Variants in PTPRN2 observed in about 807,000 individuals in gnomAD.
The protein encoded by PTPRN2 is receptor-type tyrosine-protein phosphatase N2.
In PTPRN2, 74 loss-of-function variants were observed where a neutral mutation model predicts 118.8. That is an observed-to-expected ratio of 0.62 (90% CI 0.52 to 0.76). The LOEUF (loss-of-function observed/expected upper bound fraction) is 0.76. Ranked by LOEUF, PTPRN2 falls within the 30% of genes least tolerant of loss-of-function variation. PTPRN2 has a pLI of 0.00. For missense variants in PTPRN2, 1,481 were observed against 1,394.4 expected, an observed-to-expected ratio of 1.06 and a Z score of -0.99; for synonymous variants, 641 against 608.0, an observed-to-expected ratio of 1.05 and a Z score of -0.80.
chr7:157,599,889 CCACCTCTCCACCTGCCCCT>C (rs1801563739), intron 16 of PTPRN2, among the ~76,000 whole-genome samples: 1 of 134,054 alleles, frequency 7.5e-6, no homozygotes, highest in African/African-American at 3.0e-5. Context: ...CTCCACCTGC[CCACCTCTCCACCTGCCCCT>C]CTCCACCTGC....
chr7:158,240,533 A>G (rs1460485289), intron 3 of PTPRN2, among the ~76,000 whole-genome samples: 1 of 152,118 alleles, frequency 6.6e-6, no homozygotes, highest in Non-Finnish European at 1.5e-5. Context: ...GGGTCAAGTG[A>G]TTCTCCTGCC....
chr7:158,302,305 C>G (rs1485200333), intron 3 of PTPRN2, among the ~76,000 whole-genome samples: 1 of 152,230 alleles, frequency 6.6e-6, no homozygotes, highest in African/African-American at 2.4e-5. Flanking sequence ...AAGTTACAGT[C>G]TCTTGCTCCC....
intron 3 of PTPRN2, among the ~76,000 whole-genome samples, chr7:158,280,581 C>T (rs1192318963): frequency 6.6e-6 from 1 of 152,118 alleles, no homozygotes; most frequent in African/African-American, 2.4e-5. Context: ...GTGGAGAGGG[C>T]AGATGGAGAG....
chr7:158,174,055 A>G (rs1585740045), intron 5 of PTPRN2, among the ~76,000 whole-genome samples: 1 of 152,232 alleles, frequency 6.6e-6, no homozygotes, highest in Non-Finnish European at 1.5e-5. Context: ...GAGATTAAAG[A>G]CAGGCATAGG....
chr7:157,976,076 T>C (rs1417072685), intron 11 of PTPRN2, among the ~76,000 whole-genome samples: 4 of 152,208 alleles, frequency 2.6e-5, no homozygotes, highest in Non-Finnish European at 4.4e-5. Flanking sequence ...CAAGTCCTTG[T>C]AGCACAAGGT....
At chr7:158,580,605 G>C (rs564564442) in intron 1 of PTPRN2, among the ~76,000 whole-genome samples, 22 of 152,246 alleles carry the variant, frequency 1.4e-4, no homozygotes, top group African/African-American at 5.1e-4. Context: ...CCCCCTGCCT[G>C]CTTGCCACTC....
At chr7:158,098,697 T>A (rs1220077693) in intron 10 of PTPRN2, among the ~76,000 whole-genome samples, 1 of 152,040 alleles carries the variant, frequency 6.6e-6, no homozygotes, top group Non-Finnish European at 1.5e-5. Flanking sequence ...TGGGGTTGCT[T>A]GGGCTCGGGG....
chr7:158,521,800 TGCTGGCTCGGG>T (rs1442112507), intron 1 of PTPRN2, among the ~76,000 whole-genome samples: 15 of 64,644 alleles, frequency 2.3e-4, no homozygotes, highest in Non-Finnish European at 3.8e-4. Flanking sequence ...ACTGTCCAGG[TGCTGGCTCGGG>T]AGGGAGGTCC....
At chr7:157,847,139 C>T (rs1243407031) in intron 12 of PTPRN2, among the ~76,000 whole-genome samples, 1 of 140,382 alleles carries the variant, frequency 7.1e-6, no homozygotes, top group African/African-American at 2.7e-5. Context: ...AGCCCTCTCT[C>T]ACTCCATCAT....
chr7:158,480,057 C>T (rs567635242), intron 2 of PTPRN2, among the ~76,000 whole-genome samples: 1 of 152,326 alleles, frequency 6.6e-6, no homozygotes, highest in East Asian at 1.9e-4. Flanking sequence ...GAATTCACTG[C>T]TTGATCAAAC....
rs571528527 is a variant in PTPRN2 at position 158,525,464 on chromosome 7, G to A, written c.113-35679C>T. Among the ~76,000 whole-genome samples, 8 of 152,244 alleles carry A rather than the reference G, an allele frequency of 5.3e-5. No individual in the cohort carries two copies. In the East Asian group the frequency reaches 9.7e-4, roughly 18 times the overall value. On this transcript the variant is annotated intron_variant, in intron 1 of 22. Coordinates refer to ENST00000389418, the MANE Select transcript of PTPRN2 (RefSeq NM_002847.5). The surrounding 1 kb of genome is among the most constrained non-coding windows in gnomAD (Gnocchi z 4.1). ...CGGAAAGTGGGACCAAGGCTGAGCCGCTCCGCACCCCTCGCTCTACAGCTG... is the reference window on the plus strand; with the variant it reads ...CGGAAAGTGGGACCAAGGCTGAGCCACTCCGCACCCCTCGCTCTACAGCTG...
intron 11 of PTPRN2, among the ~76,000 whole-genome samples, chr7:158,024,509 G>T (rs1807125177): frequency 6.6e-6 from 1 of 152,188 alleles, no homozygotes; most frequent in Admixed American, 6.5e-5. Flanking sequence ...TGGGCACACA[G>T]GGCACCCGTG....
At chr7:158,127,382 A>G (rs1817786112) in intron 9 of PTPRN2, among the ~76,000 whole-genome samples, 1 of 151,550 alleles carries the variant, frequency 6.6e-6, no homozygotes, top group Non-Finnish European at 1.5e-5. Context: ...AGCCCCGTTC[A>G]TCTCTCCACA....
intron 2 of PTPRN2, among the ~76,000 whole-genome samples, chr7:158,418,876 C>G (rs965744039): frequency 1.3e-5 from 2 of 152,248 alleles, no homozygotes; most frequent in African/African-American, 4.8e-5. Flanking sequence ...CTCTCACTGT[C>G]CCACTGTGTT....
chr7:158,308,490 T>A (rs904240228), intron 3 of PTPRN2, among the ~76,000 whole-genome samples: 5 of 152,188 alleles, frequency 3.3e-5, no homozygotes, highest in Non-Finnish European at 7.4e-5. Context: ...TATTTTCTCC[T>A]AATTTTCTTT....
At chr7:157,824,759 A>G (rs1488219596) in intron 12 of PTPRN2, among the ~76,000 whole-genome samples, 2 of 152,132 alleles carry the variant, frequency 1.3e-5, no homozygotes, top group East Asian at 3.9e-4. Flanking sequence ...AGTGACCCCC[A>G]ACTAGTGCTG....
chr7:158,021,865 C>T (rs575764781), intron 11 of PTPRN2, among the ~76,000 whole-genome samples: 19 of 152,328 alleles, frequency 1.2e-4, no homozygotes, highest in Non-Finnish European at 4.4e-5. Context: ...TTTACTAAAA[C>T]AGGTGGGGCT....
intron 1 of PTPRN2, among the ~76,000 whole-genome samples, chr7:158,545,051 C>A (rs530554272): frequency 6.6e-6 from 1 of 152,366 alleles, no homozygotes; most frequent in South Asian, 2.1e-4. Context: ...CCAGCCCAGC[C>A]CCACCCACGG....
At chr7:158,341,548 G>A (rs1344991365) in intron 2 of PTPRN2, among the ~76,000 whole-genome samples, 2 of 119,616 alleles carry the variant, frequency 1.7e-5, no homozygotes, top group African/African-American at 3.2e-5. Flanking sequence ...GGTGACATCT[G>A]CAGACGTCAC....
Sources: allele counts gnomAD v4.1 joint callset (sites outside exome capture counted in the v4.1 genomes callset), GRCh38; gene constraint gnomAD v4.1.1; non-coding constraint Gnocchi (gnomAD v3.1); transcripts MANE v1.5; gene names NCBI Gene and HGNC (gene_info 2026-07-23, HGNC 2026-07-21).